The following ASTN2 variants were observed in gnomAD, a reference collection of about 807,000 sequenced individuals.
ASTN2 encodes the protein astrotactin-2.
Under a neutral mutation model 139.8 loss-of-function variants are expected in ASTN2, and 54 were observed. That is an observed-to-expected ratio of 0.39 (90% CI 0.31 to 0.48). ASTN2 has a LOEUF of 0.48. Ranked by LOEUF, ASTN2 falls within the 20% of genes least tolerant of loss-of-function variation. ASTN2 has a pLI of 0.95. For synonymous variants in ASTN2, 756 were observed against 719.5 expected, an observed-to-expected ratio of 1.05 and a Z score of -0.81; for missense variants, 1,565 against 1,725.1, an observed-to-expected ratio of 0.91 and a Z score of 1.64.
intron 5 of ASTN2, among the ~76,000 whole-genome samples, chr9:117,077,250 G>A (rs62562210): frequency 0.16 from 24,188 of 152,038 alleles, 2,386 homozygotes; most frequent in East Asian, 0.28. Context: ...GAGTTTTGGC[G>A]CGAGACTCAA....
chr9:116,962,257 C>T (rs1388716813), intron 10 of ASTN2, among the ~76,000 whole-genome samples: 2 of 152,242 alleles, frequency 1.3e-5, no homozygotes, highest in African/African-American at 4.8e-5. Flanking sequence ...CCACACACTG[C>T]CTCCCCAGTG....
intron 11 of ASTN2, among the ~76,000 whole-genome samples, chr9:116,822,743 T>C (rs778898434): frequency 1.3e-5 from 2 of 152,126 alleles, no homozygotes; most frequent in Non-Finnish European, 2.9e-5. Flanking sequence ...AGCAAATATA[T>C]GAGGTAGAGT....
intron 13 of ASTN2, among the ~76,000 whole-genome samples, chr9:116,774,299 A>G (rs1429643627): frequency 6.6e-6 from 1 of 152,176 alleles, no homozygotes; most frequent in African/African-American, 2.4e-5. Flanking sequence ...TGGAAGAACA[A>G]GGACAAGAAT....
intron 13 of ASTN2, among the ~76,000 whole-genome samples, chr9:116,782,621 C>A (rs184606574): frequency 6.0e-4 from 92 of 152,318 alleles, no homozygotes; most frequent in African/African-American, 2.1e-3. Flanking sequence ...GGAAAGAGAT[C>A]TGCATACTTG....
chr9:116,892,930 C>A (rs1304131711), intron 10 of ASTN2, among the ~76,000 whole-genome samples: 1 of 152,138 alleles, frequency 6.6e-6, no homozygotes, highest in East Asian at 1.9e-4. Flanking sequence ...GCCTGAAATT[C>A]AAATTCAACT....
At chr9:116,625,421 G>A (rs1375836514) in intron 17 of ASTN2, among the ~76,000 whole-genome samples, 1 of 152,124 alleles carries the variant, frequency 6.6e-6, no homozygotes, top group African/African-American at 2.4e-5. Context: ...GCGACAGCAA[G>A]ACTCCATCTT....
intron 7 of ASTN2, among the ~76,000 whole-genome samples, chr9:116,983,300 A>G (rs1564370616): frequency 1.3e-5 from 2 of 152,188 alleles, no homozygotes; most frequent in Non-Finnish European, 2.9e-5. Flanking sequence ...TGGGTTGGGC[A>G]TAACATTATG....
intron 11 of ASTN2, among the ~76,000 whole-genome samples, chr9:116,849,076 C>T (rs944073519): frequency 6.6e-6 from 1 of 152,182 alleles, no homozygotes; most frequent in African/African-American, 2.4e-5. Context: ...TACCAATTAT[C>T]ACCAGATGGA....
intron 1 of ASTN2, among the ~76,000 whole-genome samples, chr9:117,346,951 G>A (rs927056550): frequency 8.5e-5 from 13 of 152,058 alleles, no homozygotes; most frequent in African/African-American, 3.1e-4. Context: ...ACAGCATTTG[G>A]GCTCAATACA....
intron 19 of ASTN2, among the ~76,000 whole-genome samples, chr9:116,573,168 CA>C (rs1212163847): frequency 3.3e-5 from 5 of 152,168 alleles, no homozygotes; most frequent in African/African-American, 4.8e-5. Context: ...CCATTTTATG[CA>C]AAAACATGAG....
intron 2 of ASTN2, among the ~76,000 whole-genome samples, chr9:117,288,560 C>G (rs557239539): frequency 6.6e-6 from 1 of 152,296 alleles, no homozygotes; most frequent in East Asian, 1.9e-4. Context: ...CTGGGGAAAT[C>G]CTGGCCCCAG....
At chr9:116,948,776 T>A (rs1588434129) in intron 10 of ASTN2, among the ~76,000 whole-genome samples, 3 of 124,508 alleles carry the variant, frequency 2.4e-5, no homozygotes, top group African/African-American at 6.1e-5. Flanking sequence ...AGGAGAGAAA[T>A]AATTTGGTGT....
chr9:117,061,145 T>TATG, intron 5 of ASTN2, among the ~76,000 whole-genome samples: 1 of 122,900 alleles, frequency 8.1e-6, no homozygotes, highest in Non-Finnish European at 1.6e-5. Context: ...AGTCTTTTAT[T>TATG]TATTTATTTA....
Position 117,402,087 on chromosome 9 carries a change from G to A in ASTN2, c.442+12410C>T, listed in dbSNP as rs562205990. The stretch of plus-strand genomic sequence containing the variant: ...TCTTTTCCTGTTGTTGTTTTTTTGA[G>A]ACAGAGTCTTGTTCTGTCACCCAGG... On this transcript the variant is annotated intron_variant, in intron 1 of 22. Transcript: ENST00000313400. Among the ~76,000 whole-genome samples, 1,298 of 152,240 alleles carry A rather than the reference G, an allele frequency of 8.5e-3. 87 individuals carry two copies. The highest frequency in any genetic ancestry group is 0.077 in the Admixed American group (1,173 of 15,294).
intron 4 of ASTN2, among the ~76,000 whole-genome samples, chr9:117,138,226 G>C (rs1225162131): frequency 6.6e-6 from 1 of 152,214 alleles, no homozygotes; most frequent in Non-Finnish European, 1.5e-5. Flanking sequence ...TGACGTAAGA[G>C]ATAGTAGCAG....
At chr9:116,522,671 CAT>C (rs1358916746) in intron 19 of ASTN2, among the ~76,000 whole-genome samples, 7 of 152,108 alleles carry the variant, frequency 4.6e-5, no homozygotes, top group African/African-American at 1.7e-4. Context: ...GAAGTAAAAA[CAT>C]AAACAATTTT....
chr9:116,808,903 A>G (rs946429960), intron 12 of ASTN2, among the ~76,000 whole-genome samples: 13 of 152,178 alleles, frequency 8.5e-5, no homozygotes, highest in Middle Eastern at 3.2e-3. Context: ...GATTAGGTTC[A>G]GCATCTTTTC....
intron 10 of ASTN2, among the ~76,000 whole-genome samples, chr9:116,885,520 G>T (rs112297261): frequency 0.012 from 1,768 of 152,160 alleles, 19 homozygotes; most frequent in African/African-American, 0.041. Flanking sequence ...ACAAAAATTA[G>T]CCAGGCGAGG....
rs139013853 is a variant in ASTN2, at chr9:117,102,625, C to T, written c.1169-6474G>A. 4.5e-3 allele frequency among the ~76,000 whole-genome samples: 687 copies of T among 152,226 alleles called. 6 individuals carry two copies. The highest frequency in any genetic ancestry group is 0.016 in the African/African-American group (660 of 41,544). On this transcript the variant is annotated intron_variant, in intron 4 of 22. Transcript: ENST00000313400. ...TCAACCTCTGCCTCCTGGGTTCAAG[C>T]GATTCTCCTGCCTTAGCTTCCTGAG... is the stretch of plus-strand genomic sequence containing the variant.
Sources: gnomAD v4.1 joint callset for allele counts (sites outside exome capture counted in the v4.1 genomes callset) on GRCh38, gnomAD v4.1.1 for gene constraint, MANE v1.5 for transcripts, NCBI Gene and HGNC (gene_info 2026-07-23, HGNC 2026-07-21) for gene names.